EDA: variants seen among roughly 807,000 people sequenced by gnomAD.
The protein encoded by EDA is ectodysplasin-A.
Under a neutral mutation model 23.6 loss-of-function variants are expected in EDA, and 2 were observed. The ratio of observed to expected loss-of-function variants is 0.08; its 90% CI spans 0.03 to 0.27. EDA has a LOEUF of 0.27. EDA is among the 10% of genes least tolerant of loss of function. EDA has a pLI of 1.00. For synonymous variants in EDA, 131 were observed against 132.0 expected, an observed-to-expected ratio of 0.99 and a Z score of 0.05; for missense variants, 229 against 324.2, an observed-to-expected ratio of 0.71 and a Z score of 2.26.
At chrX:69,643,848 C>A (rs1412159759) in intron 1 of EDA, among the ~76,000 whole-genome samples, 1 of 111,663 alleles carries the variant, frequency 9.0e-6, no homozygotes, top group South Asian at 3.8e-4. Context: ...CTCCCAGCAC[C>A]ATTTATTAAA....
At chrX:69,888,287 T>C (rs920109053) in intron 1 of EDA, among the ~76,000 whole-genome samples, 1 of 110,318 alleles carries the variant, frequency 9.1e-6, no homozygotes, top group Non-Finnish European at 1.9e-5. Context: ...ACAAAACCTA[T>C]AGTAAATACA....
chrX:69,944,873 A>G (rs1156925101), intron 1 of EDA, among the ~76,000 whole-genome samples: 1 of 112,030 alleles, frequency 8.9e-6, no homozygotes, highest in East Asian at 2.8e-4. Context: ...GACAGTTCCA[A>G]CCACTGGCTA....
At chrX:69,694,936 C>T (rs1410466179) in intron 1 of EDA, among the ~76,000 whole-genome samples, 2 of 112,031 alleles carry the variant, frequency 1.8e-5, no homozygotes, top group Non-Finnish European at 3.8e-5. Context: ...TTGAGATGTT[C>T]CAAGGGCCTA....
At chrX:69,960,673 A>C (rs1425056688) in intron 2 of EDA, among the ~76,000 whole-genome samples, 2 of 110,591 alleles carry the variant, frequency 1.8e-5, no homozygotes, top group Non-Finnish European at 3.8e-5. Flanking sequence ...AAAAAATCTT[A>C]TCAGGTGTTG....
At chrX:69,820,148 A>T (rs1415292541) in intron 1 of EDA, among the ~76,000 whole-genome samples, 1 of 111,283 alleles carries the variant, frequency 9.0e-6, no homozygotes, top group Non-Finnish European at 1.9e-5. Flanking sequence ...TGGGAAAATG[A>T]CTCCCTATTT....
chrX:69,710,400 C>G (rs1266639009), intron 1 of EDA, among the ~76,000 whole-genome samples: 2 of 111,048 alleles, frequency 1.8e-5, no homozygotes, highest in Non-Finnish European at 3.8e-5. Context: ...GTTACTGTTG[C>G]CTTTAGTATA....
intron 1 of EDA, among the ~76,000 whole-genome samples, chrX:69,923,078 G>T (rs1202973): frequency 0.58 from 63,583 of 110,533 alleles, 15,386 homozygotes; most frequent in Middle Eastern, 0.82. Flanking sequence ...CAGATAACCA[G>T]AGTGACTTTC....
intron 2 of EDA, among the ~76,000 whole-genome samples, chrX:69,967,587 C>A (rs935555391): frequency 1.8e-5 from 2 of 111,881 alleles, no homozygotes; most frequent in African/African-American, 6.5e-5. Flanking sequence ...CTCTCAGTTA[C>A]AAGTGACAGA....
intron 1 of EDA, among the ~76,000 whole-genome samples, chrX:69,660,361 C>A (rs1434714651): frequency 1.8e-5 from 2 of 110,185 alleles, no homozygotes; most frequent in Non-Finnish European, 3.8e-5. Flanking sequence ...TTTTATTATA[C>A]TTTAAGTTCT....
At position 69,832,528 on chromosome X, in the gene EDA, T is replaced by C. The variant is rs765062991; in HGVS notation, c.397-124499T>C. On this transcript the variant is annotated intron_variant, in intron 1 of 7. Coordinates refer to ENST00000374552, the MANE Select transcript of EDA (RefSeq NM_001399.5). Reference sequence around the variant, plus strand: ...TTGTCTTGGCAATGCAGGCTCTTTTTTGGTTCCATATGAAATTTAAAGTAG... The same window carrying C: ...TTGTCTTGGCAATGCAGGCTCTTTTCTGGTTCCATATGAAATTTAAAGTAG... Among the ~76,000 whole-genome samples, 6 of 112,010 alleles carry C rather than the reference T, an allele frequency of 5.4e-5. No individual in the cohort carries two copies. In the Admixed American group the frequency reaches 5.7e-4, roughly 11 times the overall value.
intron 1 of EDA, among the ~76,000 whole-genome samples, chrX:69,630,419 A>C (rs1284331920): frequency 9.0e-6 from 1 of 111,667 alleles, no homozygotes; most frequent in Non-Finnish European, 1.9e-5. Context: ...CACCTGCTAA[A>C]CCAGAGTGCC....
rs202079519 is a variant in EDA at position 69,856,254 on chromosome X, GGTGTGTGTGTGT to G, written c.397-100740_397-100729del. On this transcript the variant is annotated intron_variant, in intron 1 of 7. Transcript: ENST00000374552. ...TTTTTATGGCTGAGTAGTATTCCATGGTGTGTGTGTGTGTGTGTGTGTGTGTGTGTGTGTGTG... is the reference window on the plus strand; with the variant it reads ...TTTTTATGGCTGAGTAGTATTCCATGGTGTGTGTGTGTGTGTGTGTGTGTG... 1.3e-3 allele frequency among the ~76,000 whole-genome samples: 100 copies of G among 74,935 alleles called. 1 individual carries two copies. The South Asian group carries it at 0.015, about 11-fold the overall frequency. The allele number at this position is 74,935 out of a possible 115,157, so 65.1% of individuals were successfully genotyped here. A position where few individuals can be genotyped will look rare whatever the true frequency, so the allele number is the denominator to read the frequency against.
chrX:69,629,915 C>T (rs56851184), intron 1 of EDA, among the ~76,000 whole-genome samples: 14,515 of 110,930 alleles, frequency 0.13, 1,769 homozygotes, highest in African/African-American at 0.38. Flanking sequence ...TGCCAGGTCA[C>T]GAGAGGCTCC....
intron 1 of EDA, among the ~76,000 whole-genome samples, chrX:69,688,440 G>A (rs997289746): frequency 9.0e-6 from 1 of 110,933 alleles, no homozygotes; most frequent in Non-Finnish European, 1.9e-5. Context: ...TCCCTTGATC[G>A]CCCAGGCTGG....
intron 1 of EDA, among the ~76,000 whole-genome samples, chrX:69,690,301 T>C (rs1480469770): frequency 9.0e-6 from 1 of 111,705 alleles, no homozygotes; most frequent in African/African-American, 3.3e-5. Flanking sequence ...CCCCTTAATG[T>C]GGTTGAGGAA....
Position 69,989,262 on chromosome X carries a change from A to G in EDA, c.502+32130A>G, listed in dbSNP as rs190712755. Among the ~76,000 whole-genome samples the G allele has an allele frequency of 1.8e-4, 20 of 112,083 alleles. No individual in the cohort carries two copies. In the East Asian group the frequency reaches 5.6e-3, roughly 31 times the overall value. ...ATTGCCCCACTTTCACTTGGATAGTATCAGTGAGGCCAAGGGGGTAGCCGA... is the reference window on the plus strand; with the variant it reads ...ATTGCCCCACTTTCACTTGGATAGTGTCAGTGAGGCCAAGGGGGTAGCCGA... On this transcript the variant is annotated intron_variant, in intron 2 of 7. Coordinates refer to ENST00000374552, the MANE Select transcript of EDA (RefSeq NM_001399.5).
chrX:69,734,399 A>C (rs1283794035), intron 1 of EDA, among the ~76,000 whole-genome samples: 1 of 111,769 alleles, frequency 8.9e-6, no homozygotes, highest in African/African-American at 3.2e-5. Flanking sequence ...GATTTGATTA[A>C]AAACAGGTAA....
intron 1 of EDA, among the ~76,000 whole-genome samples, chrX:69,660,115 G>T (rs1219320711): frequency 1.8e-5 from 2 of 111,177 alleles, no homozygotes; most frequent in African/African-American, 6.5e-5. Flanking sequence ...ATTTTAAAAA[G>T]TAAAGGCTGT....
At position 69,882,922 on chromosome X, in the gene EDA, G is replaced by A. The variant is rs1264930186; in HGVS notation, c.397-74105G>A. ...TCTCCATGTTGGTCAGGCTGGTCTC[G>A]AACTCCCAACCTCAGGTGATCCACC... On this transcript the variant is annotated intron_variant, in intron 1 of 7. Coordinates refer to ENST00000374552, the MANE Select transcript of EDA (RefSeq NM_001399.5). 9.9e-5 allele frequency among the ~76,000 whole-genome samples: 11 copies of A among 111,224 alleles called. No individual in the cohort carries two copies. The East Asian group carries it at 2.0e-3, about 20-fold the overall frequency.
Sources: gnomAD v4.1 joint callset for allele counts (sites outside exome capture counted in the v4.1 genomes callset) on GRCh38, gnomAD v4.1.1 for gene constraint, MANE v1.5 for transcripts, NCBI Gene and HGNC (gene_info 2026-07-23, HGNC 2026-07-21) for gene names.